Variants in SVOP observed in about 807,000 individuals in gnomAD.
SVOP encodes the protein SV2 related protein.
Under a neutral mutation model 69.1 loss-of-function variants are expected in SVOP, and 17 were observed. The observed-to-expected ratio is 0.25, with a 90% CI of 0.17 to 0.37. SVOP has a LOEUF of 0.37. Among genes scored for constraint, SVOP ranks in the 10% least tolerant of loss-of-function variants. SVOP has a pLI of 1.00. For missense variants in SVOP, 435 were observed against 597.5 expected (o/e 0.73, Z 2.84); for synonymous variants, 238 against 238.6 (o/e 1.00, Z 0.02).
intron 10 of SVOP, among the ~76,000 whole-genome samples, chr12:108,935,055 C>T (rs1360809053): frequency 1.3e-5 from 2 of 152,204 alleles, no homozygotes; most frequent in Non-Finnish European, 2.9e-5. Context: ...GGTAACAGAA[C>T]TATGCTATAC....
At chr12:108,987,853 CA>C (rs1245643985) in intron 1 of SVOP, among the ~76,000 whole-genome samples, 5 of 152,072 alleles carry the variant, frequency 3.3e-5, no homozygotes, top group African/African-American at 1.2e-4. Flanking sequence ...ATATGATTTG[CA>C]AACAATTTTT....
chr12:109,019,609 G>A (rs1340502529), intron 1 of SVOP, among the ~76,000 whole-genome samples: 1 of 151,960 alleles, frequency 6.6e-6, no homozygotes. Context: ...ACATTTTTAT[G>A]TACTGTTATA....
intron 7 of SVOP, among the ~76,000 whole-genome samples, chr12:108,943,250 A>G (rs954121517): frequency 3.3e-5 from 5 of 152,080 alleles, no homozygotes; most frequent in Non-Finnish European, 4.4e-5. Flanking sequence ...TGTTGCTGGC[A>G]ATCAGAAGTG....
intron 10 of SVOP, 192 bp downstream of exon 10, chr12:108,937,071 AG>A: frequency 1.7e-6 from 1 of 593,062 alleles, no homozygotes; most frequent in Non-Finnish European, 3.0e-6. Flanking sequence ...TTAAAGAAAA[AG>A]ATGAAGGAAA....
intron 1 of SVOP, among the ~76,000 whole-genome samples, chr12:109,012,550 A>T (rs1025025955): frequency 2.0e-5 from 3 of 152,310 alleles, no homozygotes; most frequent in South Asian, 2.1e-4. Context: ...AACATTTTTT[A>T]AAATATTAAA....
chr12:108,961,352 C>A (rs781060636), intron 5 of SVOP, among the ~76,000 whole-genome samples: 6 of 151,946 alleles, frequency 3.9e-5, no homozygotes, highest in Admixed American at 6.6e-5. Context: ...ATGTTCTGCC[C>A]GACCATCATG....
At chr12:108,968,723 G>A (rs2040060671) in intron 5 of SVOP, among the ~76,000 whole-genome samples, 1 of 146,100 alleles carries the variant, frequency 6.8e-6, no homozygotes, top group African/African-American at 2.5e-5. Flanking sequence ...GTGTGTGTGT[G>A]TGTGTGTGCA....
rs3059703 is a variant in SVOP, at chr12:109,018,105, GATGAATGA to G, written c.35+2721_35+2728del. ...AAGTAAATCAGTGAAAGAATGGATGGATGAATGAATGAATGAATGAATGAATGAATCGA... is the reference window on the plus strand; with the variant it reads ...AAGTAAATCAGTGAAAGAATGGATGGATGAATGAATGAATGAATGAATCGA... On this transcript the variant is annotated intron_variant, in intron 1 of 15. Transcript: ENST00000610966. Among the ~76,000 whole-genome samples the G allele has an allele frequency of 2.7e-5, 3 of 110,638 alleles. No individual in the cohort carries two copies. In the East Asian group the frequency reaches 6.4e-4, roughly 24 times the overall value. The allele number at this position is 110,638 out of a possible 152,430, so 72.6% of individuals were successfully genotyped here. A position where few individuals can be genotyped will look rare whatever the true frequency, so the allele number is the denominator to read the frequency against.
At chr12:108,936,251 G>C (rs931390026) in intron 10 of SVOP, among the ~76,000 whole-genome samples, 1 of 152,034 alleles carries the variant, frequency 6.6e-6, no homozygotes, top group Non-Finnish European at 1.5e-5. Flanking sequence ...TGCCATGTTG[G>C]CCAGGCTGAT....
At chr12:108,954,440 G>A (rs2039974517) in intron 6 of SVOP, among the ~76,000 whole-genome samples, 1 of 152,184 alleles carries the variant, frequency 6.6e-6, no homozygotes, top group Non-Finnish European at 1.5e-5. Context: ...TAGGGAGCAG[G>A]CAGGCAAGCT....
intron 5 of SVOP, among the ~76,000 whole-genome samples, chr12:108,967,971 G>A (rs922421880): frequency 3.9e-5 from 6 of 152,168 alleles, no homozygotes; most frequent in Admixed American, 1.3e-4. Context: ...ATATGGGAAC[G>A]CCAAGTGAAT....
chr12:108,991,472 T>TG (rs1194255328), intron 1 of SVOP, among the ~76,000 whole-genome samples: 1 of 150,698 alleles, frequency 6.6e-6, no homozygotes, highest in Admixed American at 6.6e-5. Flanking sequence ...TTTGTTTGTT[T>TG]TGAGACAGAA....
chr12:108,948,691 G>T (rs2039937926), intron 6 of SVOP, among the ~76,000 whole-genome samples: 1 of 152,108 alleles, frequency 6.6e-6, no homozygotes, highest in Admixed American at 6.5e-5. Context: ...GAGTCAGAGG[G>T]TATGCCTGTT....
Position 108,953,149 on chromosome 12 carries a change from TTTTC to T in SVOP, c.578+7770_578+7773del, listed in dbSNP as rs1407463071. On this transcript the variant is annotated intron_variant, in intron 6 of 15. Transcript: ENST00000610966. ...TGATCTAATTGACTTTTTTTTTTTT[TTTTC>T]TTTTTTTTTTTTGAGACAGAGTTTC... is the stretch of plus-strand genomic sequence containing the variant. Among the ~76,000 whole-genome samples the T allele has an allele frequency of 3.0e-4, 39 of 131,190 alleles. 2 individuals are homozygous for T. Among genetic ancestry groups the T allele is most frequent in the African/African-American group, 6.8e-4 (23 of 34,074 alleles). The allele number at this position is 131,190 out of a possible 152,430, so 86.1% of individuals were successfully genotyped here.
intron 1 of SVOP, among the ~76,000 whole-genome samples, chr12:108,998,480 G>A (rs1346976635): frequency 1.3e-5 from 2 of 151,614 alleles, no homozygotes; most frequent in East Asian, 1.9e-4. Flanking sequence ...GATACTCCTC[G>A]AGAAGAGCAA....
chr12:108,965,532 T>G (rs552406667), intron 5 of SVOP, among the ~76,000 whole-genome samples: 1 of 152,206 alleles, frequency 6.6e-6, no homozygotes, highest in East Asian at 1.9e-4. Flanking sequence ...GCCTCCAGAT[T>G]ACCTGATTTT....
At chr12:109,020,754 A>ACC (rs67827847) in intron 1 of SVOP, 80 bp downstream of exon 1, 73,031 of 235,984 alleles carry the variant, frequency 0.31, 10,201 homozygotes, top group South Asian at 0.37. Flanking sequence ...GCAGAGATGT[A>ACC]CCCCCCCCCA....
chr12:108,923,704 A>T (rs923682859), intron 11 of SVOP, among the ~76,000 whole-genome samples: 14 of 152,050 alleles, frequency 9.2e-5, no homozygotes, highest in African/African-American at 3.1e-4. Context: ...TAATTCTGTT[A>T]TGCACCAATA....
intron 6 of SVOP, among the ~76,000 whole-genome samples, chr12:108,948,320 C>T (rs998136160): frequency 1.3e-5 from 2 of 152,246 alleles, no homozygotes; most frequent in African/African-American, 4.8e-5. Context: ...GTTCTGTCTG[C>T]TTCTATGCAA....
Sources: gnomAD v4.1 joint callset for allele counts (sites outside exome capture counted in the v4.1 genomes callset) on GRCh38, gnomAD v4.1.1 for gene constraint, MANE v1.5 for transcripts, NCBI Gene and HGNC (gene_info 2026-07-23, HGNC 2026-07-21) for gene names.